Variants in PCDH15 observed in about 807,000 individuals in gnomAD.
The protein encoded by PCDH15 is protocadherin related 15.
A neutral mutation model predicts 178.5 loss-of-function variants in PCDH15; 129 were observed. The observed-to-expected ratio is 0.72, with a 90% CI of 0.63 to 0.84. The LOEUF (loss-of-function observed/expected upper bound fraction) is 0.84. Ranked by LOEUF, PCDH15 falls within the 40% of genes least tolerant of loss-of-function variation. PCDH15 has a pLI of 0.00. For missense variants in PCDH15, 2,230 were observed against 2,099.9 expected, an observed-to-expected ratio of 1.06 and a Z score of -1.21; for synonymous variants, 800 against 732.0, an observed-to-expected ratio of 1.09 and a Z score of -1.50.
chr10:53,992,397 A>C (rs1214958097), intron 21 of PCDH15, among the ~76,000 whole-genome samples: 2 of 152,212 alleles, frequency 1.3e-5, no homozygotes, highest in Admixed American at 1.3e-4. Context: ...AATATTAAAC[A>C]TGTTCCAATT....
intron 2 of PCDH15, among the ~76,000 whole-genome samples, chr10:54,971,815 T>C (rs1289083996): frequency 2.0e-5 from 3 of 152,216 alleles, no homozygotes; most frequent in South Asian, 2.1e-4. Context: ...CATACGTATA[T>C]ATAAACTCAA....
chr10:54,781,435 C>A (rs1950351479), intron 1 of PCDH15, among the ~76,000 whole-genome samples: 1 of 152,088 alleles, frequency 6.6e-6, no homozygotes, highest in Non-Finnish European at 1.5e-5. Context: ...TAACATATTT[C>A]TTTGAATATA....
intron 5 of PCDH15, among the ~76,000 whole-genome samples, chr10:54,360,419 C>T (rs953853782): frequency 6.6e-6 from 1 of 151,998 alleles, no homozygotes; most frequent in East Asian, 1.9e-4. Flanking sequence ...ATGTTTGTTG[C>T]CTCAGTGATT....
chr10:55,065,613 C>A (rs1036641467), intron 2 of PCDH15, among the ~76,000 whole-genome samples: 1 of 151,986 alleles, frequency 6.6e-6, no homozygotes, highest in Non-Finnish European at 1.5e-5. Context: ...CTTACCAATG[C>A]CCTTCTGCCC....
At chr10:54,120,388 T>A (rs2095195131) in intron 15 of PCDH15, among the ~76,000 whole-genome samples, 1 of 152,168 alleles carries the variant, frequency 6.6e-6, no homozygotes, top group South Asian at 2.1e-4. Flanking sequence ...AACAACTTAA[T>A]GATAGAATCA....
chr10:54,219,406 C>T (rs376835972), intron 9 of PCDH15, among the ~76,000 whole-genome samples: 3 of 150,184 alleles, frequency 2.0e-5, no homozygotes, highest in Non-Finnish European at 3.0e-5. Flanking sequence ...CTGGCTAACA[C>T]GGTGACACCC....
chr10:54,786,543 T>G (rs995912759), intron 1 of PCDH15, among the ~76,000 whole-genome samples: 3 of 152,046 alleles, frequency 2.0e-5, no homozygotes, highest in Non-Finnish European at 4.4e-5. Context: ...AACAGCTGTC[T>G]TGAGAAACAA....
intron 2 of PCDH15, among the ~76,000 whole-genome samples, chr10:55,325,088 A>G (rs1444317171): frequency 1.3e-5 from 2 of 152,172 alleles, no homozygotes; most frequent in Non-Finnish European, 2.9e-5. Flanking sequence ...AAAGAAACAG[A>G]AAAACATTCC....
chr10:54,858,290 A>G (rs1386641624), intron 3 of PCDH15, among the ~76,000 whole-genome samples: 4 of 152,098 alleles, frequency 2.6e-5, no homozygotes, highest in Non-Finnish European at 5.9e-5. Context: ...ACATACTACG[A>G]TATCTTTGTT....
chr10:54,798,784 T>C (rs1952329566), intron 1 of PCDH15, among the ~76,000 whole-genome samples: 1 of 152,104 alleles, frequency 6.6e-6, no homozygotes, highest in African/African-American at 2.4e-5. Context: ...GCATTAGGGC[T>C]ACAATAAAAT....
At chr10:53,807,700 T>C (rs1271855435) in intron 37 of PCDH15, among the ~76,000 whole-genome samples, 1 of 152,194 alleles carries the variant, frequency 6.6e-6, no homozygotes, top group Non-Finnish European at 1.5e-5. Flanking sequence ...TTAATGCATT[T>C]ATTTACTTGA....
chr10:54,233,428 CT>C (rs2054284517), intron 9 of PCDH15, among the ~76,000 whole-genome samples: 1 of 152,160 alleles, frequency 6.6e-6, no homozygotes, highest in South Asian at 2.1e-4. Flanking sequence ...CTTCCATACA[CT>C]TGTGAATTTC....
chr10:55,390,512 C>T (rs930731072), intron 2 of PCDH15, among the ~76,000 whole-genome samples: 2 of 152,112 alleles, frequency 1.3e-5, no homozygotes, highest in Non-Finnish European at 2.9e-5. Flanking sequence ...GTCAAGTCTT[C>T]TTAGTGTTGA....
chr10:55,102,165 G>A (rs542280116), intron 2 of PCDH15, among the ~76,000 whole-genome samples: 8 of 151,912 alleles, frequency 5.3e-5, no homozygotes, highest in Admixed American at 1.3e-4. Flanking sequence ...TTAATAGCTT[G>A]TATAATTAAC....
At chr10:54,277,050 T>TC (rs1262584516) in intron 8 of PCDH15, among the ~76,000 whole-genome samples, 2 of 151,668 alleles carry the variant, frequency 1.3e-5, no homozygotes, top group East Asian at 3.9e-4. Context: ...ACGTTTTTTT[T>TC]CCTCTTTTTC....
intron 22 of PCDH15, among the ~76,000 whole-genome samples, chr10:53,960,117 A>G (rs111849626): frequency 3.9e-5 from 6 of 152,338 alleles, no homozygotes; most frequent in African/African-American, 1.4e-4. Flanking sequence ...ATTAAAAAAC[A>G]ACTACCAGTA....
chr10:54,323,256 C>T (rs530170485), intron 7 of PCDH15, among the ~76,000 whole-genome samples: 48 of 152,190 alleles, frequency 3.2e-4, no homozygotes, highest in African/African-American at 6.7e-4. Context: ...TGGTTATATG[C>T]TGTTGGTGGG....
At chr10:54,308,602 A>G (rs1377029924) in intron 8 of PCDH15, among the ~76,000 whole-genome samples, 3 of 152,102 alleles carry the variant, frequency 2.0e-5, no homozygotes, top group Non-Finnish European at 4.4e-5. Context: ...AGGAGAACCA[A>G]GGATTCCTTT....
intron 24 of PCDH15, 44 bp downstream of exon 24, chr10:53,940,822 G>A (rs1191857496): frequency 7.2e-7 from 1 of 1,387,916 alleles, no homozygotes; most frequent in Non-Finnish European, 1.0e-6. Context: ...CCAAATCTAA[G>A]TTTACTGGTT....
Sources: gnomAD v4.1 joint callset for allele counts (sites outside exome capture counted in the v4.1 genomes callset) on GRCh38, gnomAD v4.1.1 for gene constraint, MANE v1.5 for transcripts, NCBI Gene and HGNC (gene_info 2026-07-23, HGNC 2026-07-21) for gene names.